The following TNIK variants were observed in gnomAD, a reference collection of about 807,000 sequenced individuals.
TNIK encodes the protein TRAF2 and NCK interacting kinase.
A neutral mutation model predicts 191.3 loss-of-function variants in TNIK; 49 were observed. The ratio of observed to expected loss-of-function variants is 0.26; its 90% CI spans 0.20 to 0.32. The LOEUF is 0.32. Among genes scored for constraint, TNIK ranks in the 10% least tolerant of loss-of-function variants. TNIK has a pLI of 1.00. For missense variants in TNIK, 1,155 were observed against 1,702.3 expected (o/e 0.68, Z 5.66); for synonymous variants, 594 against 600.9 (o/e 0.99, Z 0.17).
In TNIK at chr3:171,444,247, T is replaced by C. The variant is rs927286364; in HGVS notation, c.57+15760A>G. Among the ~76,000 whole-genome samples, 23 of 152,322 alleles carry C rather than the reference T, an allele frequency of 1.5e-4. 2 individuals carry two copies. Among genetic ancestry groups the C allele is most frequent in the Admixed American group, 1.4e-3 (21 of 15,302 alleles). On this transcript the variant is annotated intron_variant, in intron 1 of 32. Transcript: ENST00000436636. ...GACACTTTTGTGGCTAGGTAAGAGA[T>C]GCTTACAAGTTGTTGTTACAAAGAA... is the stretch of plus-strand genomic sequence containing the variant.
At chr3:171,179,066 G>A (rs1331220479) in intron 7 of TNIK, among the ~76,000 whole-genome samples, 10 of 152,078 alleles carry the variant, frequency 6.6e-5, no homozygotes, top group Non-Finnish European at 7.4e-5. Context: ...GGTGGCTGGG[G>A]CACATGTGTA....
At chr3:171,211,733 G>C (rs1338270397) in intron 3 of TNIK, among the ~76,000 whole-genome samples, 1 of 152,146 alleles carries the variant, frequency 6.6e-6, no homozygotes. Context: ...AGTCAGATGG[G>C]AAAAGGAGCA....
intron 2 of TNIK, among the ~76,000 whole-genome samples, chr3:171,276,192 A>G (rs978804104): frequency 1.3e-4 from 17 of 134,856 alleles, no homozygotes; most frequent in Admixed American, 6.0e-4. Flanking sequence ...ATTTTTAAAC[A>G]TTCAAAGACT....
chr3:171,131,202 G>T (rs1390904869), intron 15 of TNIK, among the ~76,000 whole-genome samples: 6 of 151,186 alleles, frequency 4.0e-5, no homozygotes, highest in African/African-American at 1.5e-4. Context: ...GCCGGGCGTG[G>T]TAGCGGGCGC....
chr3:171,085,611 C>G (rs1248261361), intron 24 of TNIK, among the ~76,000 whole-genome samples: 1 of 152,122 alleles, frequency 6.6e-6, no homozygotes, highest in Non-Finnish European at 1.5e-5. Flanking sequence ...TGGCAATAAA[C>G]TAAGTAAGGA....
intron 12 of TNIK, among the ~76,000 whole-genome samples, chr3:171,152,366 T>G (rs1254270790): frequency 6.6e-6 from 1 of 152,104 alleles, no homozygotes; most frequent in East Asian, 1.9e-4. Flanking sequence ...TGGATGAGCA[T>G]GGAATTAGGA....
chr3:171,140,915 A>C (rs1045655515), intron 12 of TNIK, among the ~76,000 whole-genome samples: 2 of 152,210 alleles, frequency 1.3e-5, no homozygotes, highest in South Asian at 2.1e-4. Context: ...GTAACACAAA[A>C]ATTTCATAGA....
chr3:171,163,343 C>T (rs1376660372), intron 10 of TNIK, among the ~76,000 whole-genome samples: 1 of 152,180 alleles, frequency 6.6e-6, no homozygotes, highest in Non-Finnish European at 1.5e-5. Flanking sequence ...GACATTTGCA[C>T]ATCCCTAAAA....
At position 171,292,490 on chromosome 3, in the gene TNIK, T is replaced by C. The variant is rs895566076; in HGVS notation, c.124-64269A>G. The stretch of plus-strand genomic sequence containing the variant: ...GCTTTGATTTTGTCCAACACATGTA[T>C]GGCTCAAGAATCAGCCAGACTCACG... On this transcript the variant is annotated intron_variant, in intron 2 of 32. Transcript: ENST00000436636. Among the ~76,000 whole-genome samples, 51 of 152,212 alleles carry C rather than the reference T, an allele frequency of 3.4e-4. 1 individual carries two copies. Among genetic ancestry groups the C allele is most frequent in the African/African-American group, 1.1e-3 (47 of 41,466 alleles).
At chr3:171,283,157 C>T (rs1199998301) in intron 2 of TNIK, among the ~76,000 whole-genome samples, 5 of 134,764 alleles carry the variant, frequency 3.7e-5, no homozygotes, top group Non-Finnish European at 8.2e-5. Flanking sequence ...TTTATACCTA[C>T]TTTAAAAAAA....
At chr3:171,191,759 G>A (rs1408530751) in intron 5 of TNIK, among the ~76,000 whole-genome samples, 5 of 152,112 alleles carry the variant, frequency 3.3e-5, no homozygotes, top group Admixed American at 6.5e-5. Flanking sequence ...ACCTGTTTGT[G>A]TTCCATTTCT....
intron 9 of TNIK, among the ~76,000 whole-genome samples, chr3:171,169,412 T>G (rs568813037): frequency 6.6e-6 from 1 of 152,100 alleles, no homozygotes; most frequent in Admixed American, 6.5e-5. Flanking sequence ...GGACTACAGG[T>G]GTATGACACC....
chr3:171,335,077 C>T (rs899956977), intron 2 of TNIK, among the ~76,000 whole-genome samples: 1 of 150,388 alleles, frequency 6.6e-6, no homozygotes, highest in African/African-American at 2.4e-5. Flanking sequence ...TCACTAGCAA[C>T]CTTCTATTAG....
intron 18 of TNIK, among the ~76,000 whole-genome samples, chr3:171,120,850 G>C (rs1727631256): frequency 6.6e-6 from 1 of 152,056 alleles, no homozygotes; most frequent in Admixed American, 6.5e-5. Context: ...AGAAAGTGAG[G>C]CAAGAAATAT....
intron 12 of TNIK, among the ~76,000 whole-genome samples, chr3:171,147,675 C>T (rs1409306157): frequency 6.6e-6 from 1 of 152,064 alleles, no homozygotes; most frequent in East Asian, 1.9e-4. Flanking sequence ...CCTATGATGC[C>T]AAGCACTGTA....
chr3:171,429,476 T>C (rs1366703533), intron 1 of TNIK, among the ~76,000 whole-genome samples: 1 of 152,240 alleles, frequency 6.6e-6, no homozygotes, highest in African/African-American at 2.4e-5. Flanking sequence ...TCTATTTTCC[T>C]TTTAAATATG....
At chr3:171,230,773 G>C (rs992403421) in intron 2 of TNIK, among the ~76,000 whole-genome samples, 3 of 152,100 alleles carry the variant, frequency 2.0e-5, no homozygotes, top group Non-Finnish European at 4.4e-5. Context: ...ACATGTCCCT[G>C]TGTGTATTAT....
At chr3:171,316,881 C>T (rs1212677231) in intron 2 of TNIK, among the ~76,000 whole-genome samples, 6 of 148,342 alleles carry the variant, frequency 4.0e-5, no homozygotes, top group South Asian at 2.1e-4. Context: ...TATATACAAG[C>T]GATTACATTT....
intron 24 of TNIK, among the ~76,000 whole-genome samples, chr3:171,086,853 T>C (rs1035035952): frequency 6.6e-6 from 1 of 152,230 alleles, no homozygotes; most frequent in Non-Finnish European, 1.5e-5. Context: ...TCACACAATT[T>C]TGAATTTATG....
Sources: gnomAD v4.1 joint callset for allele counts (sites outside exome capture counted in the v4.1 genomes callset) on GRCh38, gnomAD v4.1.1 for gene constraint, MANE v1.5 for transcripts, NCBI Gene and HGNC (gene_info 2026-07-23, HGNC 2026-07-21) for gene names.